MEIOC: variants seen among roughly 807,000 people sequenced by gnomAD.
MEIOC encodes the protein meiosis specific with coiled-coil domain, also known as meiosis-specific coiled-coil domain-containing protein MEIOC.
MEIOC carries 9 observed loss-of-function variants against 85.3 expected under a neutral mutation model. That is an observed-to-expected ratio of 0.11 (90% CI 0.06 to 0.18). MEIOC has a LOEUF of 0.18. MEIOC is among the 10% of genes least tolerant of loss of function. MEIOC has a pLI of 1.00. For missense variants in MEIOC, 898 were observed against 1,129.4 expected (o/e 0.80, Z 2.94); for synonymous variants, 365 against 393.7 (o/e 0.93, Z 0.86).
chr17:44,657,333 GGT>G (rs983623750), intron 2 of MEIOC, 72 bp downstream of exon 2: 2 of 1,332,066 alleles, frequency 1.5e-6, no homozygotes, highest in African/African-American at 3.0e-5. Flanking sequence ...CCGATTCATA[GGT>G]GTTTAATGGC....
At chr17:44,673,866 T>C in intron 7 of MEIOC, 110 bp from the exon 8 acceptor site, 1 of 1,307,436 alleles carries the variant, frequency 7.6e-7, no homozygotes, top group African/African-American at 1.5e-5. Flanking sequence ...ATCCTTTTTT[T>C]ACAAAAATAA....
rs141779273 is a variant in MEIOC, at chr17:44,667,898, T to C, written c.1987T>C (p.Ser663Pro). 4.3e-6 allele frequency: 7 copies of C among 1,613,862 alleles called. No individual in the cohort carries two copies. Among genetic ancestry groups the C allele is most frequent in the Non-Finnish European group, 5.9e-6 (7 of 1,179,830 alleles). The change falls in exon 5 of 8, where the codon TCA becomes CCA. Residue 663 changes from serine (S) to proline (P), a missense_variant. Physicochemically the swap from Ser to Pro is moderately conservative, Grantham distance 74. This residue lies in a region of MEIOC where 734 missense variants were observed against 860.1 expected (regional missense o/e 0.85). Transcript: ENST00000409122. Reference sequence around the variant, plus strand: ...TAGCCGTGTGAATCGCACACAAGTGTCATGCTTTTCTAATAATTATATGAT... The same window carrying C: ...TAGCCGTGTGAATCGCACACAAGTGCCATGCTTTTCTAATAATTATATGAT... ...DNSRVNRTQV[S>P]CFSNNYMMGD...
chr17:44,666,798 G>A lies in MEIOC; in HGVS notation c.887G>A (p.Cys296Tyr), dbSNP rs1971910292. The change falls in exon 5 of 8, where the codon TGT (cysteine) becomes TAT (tyrosine). Residue 296 changes from cysteine (C) to tyrosine (Y), a missense_variant. Around this residue, in one of 2 missense-constraint regions of MEIOC, gnomAD observed 734 missense variants for 860.1 expected, o/e 0.85. Coordinates refer to ENST00000409122, the MANE Select transcript of MEIOC (RefSeq NM_001145080.3). Reference sequence around the variant, plus strand: ...TACCATTATGGAAGAGACAGAATATGTACTAAAGGTCTTGAAGCACCACTA... The same window carrying A: ...TACCATTATGGAAGAGACAGAATATATACTAAAGGTCTTGAAGCACCACTA... ...DIYHYGRDRICTKGLEAPLQQ... is the reference protein window; with the variant it reads ...DIYHYGRDRIYTKGLEAPLQQ... The A allele has an allele frequency of 6.2e-7, 1 of 1,613,224 alleles. No individual in the cohort carries two copies. The highest frequency in any genetic ancestry group is 1.1e-5 in the South Asian group (1 of 91,012).
chr17:44,660,849 T>C (rs1374213284), intron 2 of MEIOC, among the ~76,000 whole-genome samples: 2 of 151,930 alleles, frequency 1.3e-5, no homozygotes, highest in African/African-American at 2.4e-5. Context: ...TCCCAGCACT[T>C]TGGGAGGCCA....
rs1473734006 is a variant in MEIOC, at chr17:44,665,986, G to C, written c.465-390G>C. 2.6e-5 allele frequency among the ~76,000 whole-genome samples: 4 copies of C among 152,016 alleles called. No individual in the cohort carries two copies. In the East Asian group the frequency reaches 5.8e-4, roughly 22 times the overall value. ...AATTAAAATATTTTAATTTCACAAA[G>C]TTTAAGCAAAACACATTTTTTTCAT... On this transcript the variant is annotated intron_variant, in intron 4 of 7. Transcript: ENST00000409122.
chr17:44,675,455 T>C lies in MEIOC; in HGVS notation c.*1259T>C, dbSNP rs1370139962. On this transcript the variant is annotated 3_prime_UTR_variant, in exon 8 of 8. Transcript: ENST00000409122. ...GAAATTTAATTGAAATATCCTTGAC[T>C]AGAAACACTGATGTTTTAAATGTTA... 3.1e-6 allele frequency: 3 copies of C among 964,054 alleles called. No individual in the cohort carries two copies. Among genetic ancestry groups the C allele is most frequent in the African/African-American group, 3.5e-5 (2 of 56,608 alleles). The allele number at this position is 964,054 out of a possible 1,614,324, so 59.7% of individuals were successfully genotyped here. A position where few individuals can be genotyped will look rare whatever the true frequency, so the allele number is the denominator to read the frequency against.
At chr17:44,669,545 A>T (rs762009801) in intron 6 of MEIOC, 28 bp downstream of exon 6, 3 of 1,550,120 alleles carry the variant, frequency 1.9e-6, no homozygotes, top group East Asian at 4.9e-5. Flanking sequence ...ATAACAGTGG[A>T]TGGATTTTTT....
chr17:44,675,186 G>A lies in MEIOC; in HGVS notation c.*990G>A. ...TAAGTTCTAAAATGTATTTTTTAAA[G>A]GTTAATCTCTAACTAGTTTAGCTTG... On this transcript the variant is annotated 3_prime_UTR_variant, in exon 8 of 8. Coordinates refer to ENST00000409122, the MANE Select transcript of MEIOC (RefSeq NM_001145080.3). 1 of 985,040 alleles carries A rather than the reference G, an allele frequency of 1.0e-6. No homozygotes were observed. Among genetic ancestry groups the A allele is most frequent in the Non-Finnish European group, 1.2e-6 (1 of 829,770 alleles). The allele number at this position is 985,040 out of a possible 1,614,324, so 61.0% of individuals were successfully genotyped here. A position where few individuals can be genotyped will look rare whatever the true frequency, so the allele number is the denominator to read the frequency against.
Position 44,667,065 on chromosome 17 carries a change from C to T in MEIOC, c.1154C>T (p.Thr385Ile). Residue 385 changes from threonine to isoleucine, a missense_variant, in exon 5 of 8, where the codon ACA becomes ATA. Physicochemically the swap from Thr to Ile is moderately conservative, Grantham distance 89. Coordinates refer to ENST00000409122, the MANE Select transcript of MEIOC (RefSeq NM_001145080.3). ...KPANQKKMEE[T>I]IPDQQNFTFP... ...GCGAATCAGAAAAAAATGGAGGAGA[C>T]AATCCCTGATCAGCAGAATTTCACA... 1.2e-6 allele frequency: 2 copies of T among 1,613,806 alleles called. No individual in the cohort carries two copies. The highest frequency in any genetic ancestry group is 1.1e-5 in the South Asian group (1 of 91,062).
intron 2 of MEIOC, among the ~76,000 whole-genome samples, chr17:44,657,981 A>G (rs958972563): frequency 1.3e-5 from 2 of 151,214 alleles, no homozygotes; most frequent in African/African-American, 4.9e-5. Context: ...CCTCCCCAGT[A>G]GCTGGGATTA....
chr17:44,657,887 T>G (rs1971787570), intron 2 of MEIOC, among the ~76,000 whole-genome samples: 1 of 151,726 alleles, frequency 6.6e-6, no homozygotes, highest in African/African-American at 2.4e-5. Flanking sequence ...AGTCTCCTTC[T>G]GTTGCCCAGG....
chr17:44,675,204 T>G lies in MEIOC; in HGVS notation c.*1008T>G, dbSNP rs1390016350. The G allele has an allele frequency of 1.0e-6, 1 of 985,196 alleles. No individual in the cohort carries two copies. Among genetic ancestry groups the G allele is most frequent in the Non-Finnish European group, 1.2e-6 (1 of 829,844 alleles). 61.0% of individuals were successfully genotyped at this position (985,196 alleles called of 1,614,324 possible). On this transcript the variant is annotated 3_prime_UTR_variant, in exon 8 of 8. Coordinates refer to ENST00000409122, the MANE Select transcript of MEIOC (RefSeq NM_001145080.3). Reference sequence around the variant, plus strand: ...TTTTAAAGGTTAATCTCTAACTAGTTTAGCTTGCAATTGGTTAGCCTATAT... The same window carrying G: ...TTTTAAAGGTTAATCTCTAACTAGTGTAGCTTGCAATTGGTTAGCCTATAT...
rs542791531 is a variant in MEIOC at position 44,667,311 on chromosome 17, C to G, written c.1400C>G (p.Ser467Cys). Residue 467 changes from serine to cysteine, a missense_variant, in exon 5 of 8, where the codon TCT becomes TGT. Transcript: ENST00000409122. ...AATTTATTATCAAACTCAGCAACATCTTCAGGAGGTATCAATTTAAACAGA... is the reference window on the plus strand; with the variant it reads ...AATTTATTATCAAACTCAGCAACATGTTCAGGAGGTATCAATTTAAACAGA... ...SVNLLSNSAT[S>C]SGGINLNRPT... The G allele has an allele frequency of 8.4e-5, 136 of 1,613,690 alleles. 1 individual carries two copies. In the South Asian group the frequency reaches 1.4e-3, roughly 16 times the overall value.
chr17:44,666,545 A>G lies in MEIOC; in HGVS notation c.634A>G (p.Ser212Gly). The G allele has an allele frequency of 6.2e-7, 1 of 1,610,066 alleles. No homozygotes were observed. The highest frequency in any genetic ancestry group is 8.5e-7 in the Non-Finnish European group (1 of 1,177,930). The change falls in exon 5 of 8, where the codon AGT becomes GGT. Residue 212 changes from serine to glycine, a missense_variant. Physicochemically the swap from Ser to Gly is moderately conservative, Grantham distance 56 (BLOSUM62 0). Around this residue, in one of 2 missense-constraint regions of MEIOC, gnomAD observed 734 missense variants for 860.1 expected, o/e 0.85. Coordinates refer to ENST00000409122, the MANE Select transcript of MEIOC (RefSeq NM_001145080.3). ...AATGGAAAAGCAATACCTGCGTAAC[A>G]GTAATCTCACACCACAACAAAAAAT... is the stretch of plus-strand genomic sequence containing the variant. ...SAMEKQYLRNSNLTPQQKIDE... is the reference protein window; with the variant it reads ...SAMEKQYLRNGNLTPQQKIDE...
At chr17:44,657,105 T>C (rs1399148980) in intron 1 of MEIOC, 22 bp from the exon 2 acceptor site, 2 of 1,543,226 alleles carry the variant, frequency 1.3e-6, no homozygotes, top group Admixed American at 2.0e-5. Flanking sequence ...TTTCTGATAT[T>C]TCCTATTCCC....
downstream of MEIOC, chr17:44,676,335 T>A (rs190818178): frequency 6.6e-6 from 1 of 152,324 alleles, no homozygotes; most frequent in Admixed American, 6.5e-5. Flanking sequence ...GCTCCCGCCA[T>A]TTCTAATCTG....
chr17:44,670,613 C>T (rs925697587), intron 6 of MEIOC: 1 of 138,754 alleles, frequency 7.2e-6, no homozygotes, highest in African/African-American at 2.6e-5. Flanking sequence ...GATCTATGCT[C>T]ACTGTAGCCT....
At chr17:44,672,363 GT>G (rs922031287) in intron 6 of MEIOC, among the ~76,000 whole-genome samples, 1 of 152,136 alleles carries the variant, frequency 6.6e-6, no homozygotes, top group African/African-American at 2.4e-5. Context: ...TTCCCTGGAG[GT>G]TTTTTTGTGT....
intron 2 of MEIOC, 100 bp from the exon 3 acceptor site, chr17:44,662,217 C>A: frequency 1.1e-6 from 1 of 923,182 alleles, no homozygotes; most frequent in Non-Finnish European, 1.6e-6. Flanking sequence ...GTAATTCTCC[C>A]AACTCTTACA....
Sources: gnomAD v4.1 joint callset for allele counts (sites outside exome capture counted in the v4.1 genomes callset) on GRCh38, gnomAD v4.1.1 for gene constraint, gnomAD v4.1.1 regional missense constraint, MANE v1.5 for transcripts, NCBI Gene and HGNC (gene_info 2026-07-23, HGNC 2026-07-21) for gene names.